RBM45: variants seen among roughly 807,000 people sequenced by gnomAD.
The protein encoded by RBM45 is RNA-binding protein 45.
A neutral mutation model predicts 58.5 loss-of-function variants in RBM45; 39 were observed. The observed-to-expected ratio is 0.67, with a 90% CI of 0.52 to 0.87. RBM45 has a LOEUF of 0.87. RBM45 is among the 40% of genes least tolerant of loss of function. The pLI, the probability that RBM45 is intolerant of heterozygous loss-of-function variation, is 0.00. For missense variants in RBM45, 481 were observed against 581.6 expected (o/e 0.83, Z 1.78); for synonymous variants, 193 against 203.0 (o/e 0.95, Z 0.42).
In RBM45 at chr2:178,124,306, T is replaced by G. The variant is rs1177294251; in HGVS notation, c.1232+16T>G. 6.8e-7 allele frequency: 1 copy of G among 1,462,190 alleles called. No individual in the cohort carries two copies. The highest frequency in any genetic ancestry group is 9.3e-7 in the Non-Finnish European group (1 of 1,076,384). 90.6% of individuals were successfully genotyped at this position (1,462,190 alleles called of 1,614,324 possible). On this transcript the variant is annotated intron_variant, in intron 8 of 9. Transcript: ENST00000286070. Reference sequence around the variant, plus strand: ...ATATATTCTGGTAAGAAAGTTACATTTTTTGTTATATTTTATTTACACTAG... The same window carrying G: ...ATATATTCTGGTAAGAAAGTTACATGTTTTGTTATATTTTATTTACACTAG...
At chr2:178,127,032 A>G (rs1042392381) in intron 9 of RBM45, among the ~76,000 whole-genome samples, 1 of 151,898 alleles carries the variant, frequency 6.6e-6, no homozygotes, top group Admixed American at 6.6e-5. Flanking sequence ...CACCTCCTGG[A>G]TACAAGTGAT....
chr2:178,119,154 C>T (rs2087816347), intron 3 of RBM45, among the ~76,000 whole-genome samples: 1 of 152,018 alleles, frequency 6.6e-6, no homozygotes, highest in African/African-American at 2.4e-5. Flanking sequence ...CAATAATAGG[C>T]CCTCAATAAA....
Position 178,124,309 on chromosome 2 carries a change from TTG to T in RBM45, c.1232+21_1232+22del, listed in dbSNP as rs759522256. On this transcript the variant is annotated intron_variant, in intron 8 of 9. Transcript: ENST00000286070. ...TATTCTGGTAAGAAAGTTACATTTT[TTG>T]TTATATTTTATTTACACTAGTAATT... 8.9e-5 allele frequency: 129 copies of T among 1,444,354 alleles called. No homozygotes were observed. The highest frequency in any genetic ancestry group is 7.2e-5 in the Non-Finnish European group (77 of 1,062,190). The allele number at this position is 1,444,354 out of a possible 1,614,324, so 89.5% of individuals were successfully genotyped here. A position where few individuals can be genotyped will look rare whatever the true frequency, so the allele number is the denominator to read the frequency against.
downstream of RBM45, among the ~76,000 whole-genome samples, chr2:178,132,156 C>T (rs893867902): frequency 2.0e-5 from 3 of 152,052 alleles, no homozygotes; most frequent in African/African-American, 7.2e-5. Context: ...TGATTAAAGC[C>T]TTCTTGTAAA....
In RBM45 at chr2:178,112,561, C is replaced by G. The variant is rs748416737; in HGVS notation, c.15C>G (p.Gly5=). MDEA[G]SSASGGGFRP... ...GGTGGAGCACCATGGACGAAGCTGGCAGCTCTGCGAGCGGCGGGGGCTTCC... is the reference window on the plus strand; with the variant it reads ...GGTGGAGCACCATGGACGAAGCTGGGAGCTCTGCGAGCGGCGGGGGCTTCC... The change falls in exon 1 of 10, where the codon GGC becomes GGG. Residue 5 remains glycine (G), a synonymous_variant. Transcript: ENST00000286070. The G allele has an allele frequency of 5.0e-6, 8 of 1,613,240 alleles. No homozygotes were observed. The highest frequency in any genetic ancestry group is 3.4e-4 in the Middle Eastern group (2 of 5,904).
chr2:178,121,221 C>A lies in RBM45; in HGVS notation c.715C>A (p.Arg239=). The A allele has an allele frequency of 6.3e-7, 1 of 1,578,978 alleles. No homozygotes were observed. The highest frequency in any genetic ancestry group is 8.6e-7 in the Non-Finnish European group (1 of 1,160,926). Residue 239 remains arginine, a synonymous_variant, in exon 5 of 10, where the codon CGA becomes AGA. Coordinates refer to ENST00000286070, the MANE Select transcript of RBM45 (RefSeq NM_152945.4). ...TTCAAGTTTTGACAAGAATGATAGC[C>A]GAGGCCAGGAAGCAATCTCCAAACG... ...EFSSFDKNDS[R]GQEAISKRLS... is the part of the protein sequence containing the mutation.
At chr2:178,112,981 G>A in intron 1 of RBM45, 135 bp downstream of exon 1, 1 of 920,958 alleles carries the variant, frequency 1.1e-6, no homozygotes, top group South Asian at 1.7e-5. Flanking sequence ...CACCTGGCTT[G>A]GGGACAGGGG....
intron 5 of RBM45, 64 bp downstream of exon 5, chr2:178,121,423 C>G: frequency 1.3e-6 from 1 of 747,680 alleles, no homozygotes; most frequent in Non-Finnish European, 1.9e-6. Flanking sequence ...CACACACACA[C>G]ACACACACAC....
chr2:178,121,695 T>G (rs2087855343), intron 5 of RBM45, among the ~76,000 whole-genome samples: 1 of 152,104 alleles, frequency 6.6e-6, no homozygotes, highest in Non-Finnish European at 1.5e-5. Flanking sequence ...GAGCCTCTGT[T>G]TCTATGTACT....
At chr2:178,138,598 C>T (rs1243588178) in exon 4 of RBM45, 1 of 152,120 alleles carries the variant, frequency 6.6e-6, no homozygotes, top group East Asian at 1.9e-4. Context: ...ATACAATGTA[C>T]TGCTCATTTG....
At position 178,123,831 on chromosome 2, in the gene RBM45, C is replaced by A. The variant is rs768179138; in HGVS notation, c.987C>A (p.Leu329=). ...AATTATCAGTTATTTTTTCCAGTCT[C>A]CTTAGAAAAATGGCAACACAGATGG... ...FIDDGSNATD[L]LRKMATQMVA... is the part of the protein sequence containing the mutation. Residue 329 remains leucine (L), a synonymous_variant, in exon 7 of 10, where the codon CTC becomes CTA. Coordinates refer to ENST00000286070, the MANE Select transcript of RBM45 (RefSeq NM_152945.4). 3 of 1,613,546 alleles carry A rather than the reference C, an allele frequency of 1.9e-6. No homozygotes were observed. In the Admixed American group the frequency reaches 5.0e-5, roughly 27 times the overall value.
chr2:178,124,592 T>C (rs761573360), intron 8 of RBM45, among the ~76,000 whole-genome samples: 2 of 152,120 alleles, frequency 1.3e-5, no homozygotes, highest in Non-Finnish European at 2.9e-5. Flanking sequence ...GGTCAGGGGA[T>C]CGCTTGAGCT....
Position 178,112,577 on chromosome 2 carries a change from G to C in RBM45, c.31G>C (p.Gly11Arg), listed in dbSNP as rs774331285. The C allele has an allele frequency of 1.3e-6, 2 of 1,589,176 alleles. No homozygotes were observed. Among genetic ancestry groups the C allele is most frequent in the East Asian group, 2.2e-5 (1 of 44,874 alleles). The change falls in exon 1 of 10, where the codon GGG (glycine) becomes CGG (arginine). Residue 11 changes from glycine (G) to arginine (R), a missense_variant. Gly to Arg is a moderately radical substitution (Grantham distance 125). Coordinates refer to ENST00000286070, the MANE Select transcript of RBM45 (RefSeq NM_152945.4). The stretch of plus-strand genomic sequence containing the variant: ...CGAAGCTGGCAGCTCTGCGAGCGGC[G>C]GGGGCTTCCGCCCGGGCGTGGACAG... The part of the protein sequence containing the change: MDEAGSSASG[G>R]GFRPGVDSLD...
At chr2:178,131,959 C>T (rs1173748221), downstream of RBM45, among the ~76,000 whole-genome samples, 1 of 152,118 alleles carries the variant, frequency 6.6e-6, no homozygotes, top group Non-Finnish European at 1.5e-5. Flanking sequence ...CTCAGATGCA[C>T]TTTGAGTATA....
At chr2:178,127,780 AT>A (rs1224952915) in intron 9 of RBM45, among the ~76,000 whole-genome samples, 1 of 152,154 alleles carries the variant, frequency 6.6e-6, no homozygotes, top group Non-Finnish European at 1.5e-5. Flanking sequence ...GTCTGTGAAT[AT>A]TTCAATAATA....
chr2:178,119,669 A>T (rs1026694600), intron 3 of RBM45, among the ~76,000 whole-genome samples: 3 of 152,230 alleles, frequency 2.0e-5, no homozygotes, highest in African/African-American at 7.2e-5. Context: ...AAGCCACTGA[A>T]TAATGTGAAG....
At chr2:178,126,665 C>T (rs933839009) in intron 9 of RBM45, among the ~76,000 whole-genome samples, 1 of 152,054 alleles carries the variant, frequency 6.6e-6, no homozygotes, top group Non-Finnish European at 1.5e-5. Flanking sequence ...CATTTTTGGA[C>T]CTTTTGAACC....
At position 178,112,483 on chromosome 2, in the gene RBM45, A is replaced by AGCAGCGGTGGCAGACACC; in HGVS notation, c.-59_-42dup. 6.9e-7 allele frequency: 1 copy of AGCAGCGGTGGCAGACACC among 1,439,232 alleles called. No individual in the cohort carries two copies. The highest frequency in any genetic ancestry group is 9.6e-7 in the Non-Finnish European group (1 of 1,041,492). The allele number at this position is 1,439,232 out of a possible 1,614,324, so 89.2% of individuals were successfully genotyped here. A position where few individuals can be genotyped will look rare whatever the true frequency, so the allele number is the denominator to read the frequency against. ...GCCGGCAAAGGCTTGGGTGTGAGAC[A>AGCAGCGGTGGCAGACACC]GCAGCGGTGGCAGACACCGCAGAAG... On this transcript the variant is annotated 5_prime_UTR_variant, in exon 1 of 10. Transcript: ENST00000286070.
Position 178,123,938 on chromosome 2 carries a change from A to C in RBM45, c.1068+26A>C, listed in dbSNP as rs192369980. 334 of 1,570,974 alleles carry C rather than the reference A, an allele frequency of 2.1e-4. No individual in the cohort carries two copies. In the African/African-American group the frequency reaches 3.8e-3, roughly 18 times the overall value. On this transcript the variant is annotated intron_variant, in intron 7 of 9. Coordinates refer to ENST00000286070, the MANE Select transcript of RBM45 (RefSeq NM_152945.4). ...GTAAGTAGGTAAGAATTTAACCTTT[A>C]TAATATATCAATAGCATATAAAATA...
Sources: gnomAD v4.1 joint callset for allele counts (sites outside exome capture counted in the v4.1 genomes callset) on GRCh38, gnomAD v4.1.1 for gene constraint, MANE v1.5 for transcripts, NCBI Gene and HGNC (gene_info 2026-07-23, HGNC 2026-07-21) for gene names.